The following TMEM74 variants were observed in gnomAD, a reference collection of about 807,000 sequenced individuals.
TMEM74 encodes transmembrane protein 74.
Under a neutral mutation model 18.1 loss-of-function variants are expected in TMEM74, and 13 were observed. The observed-to-expected ratio is 0.72, with a 90% CI of 0.47 to 1.14. TMEM74 has a LOEUF of 1.14. Ranked by LOEUF, TMEM74 falls within the 50% of genes most tolerant of loss-of-function variation. TMEM74 has a pLI of 0.00. For synonymous variants in TMEM74, 159 were observed against 146.6 expected, an observed-to-expected ratio of 1.08 and a Z score of -0.61; for missense variants, 372 against 375.9, an observed-to-expected ratio of 0.99 and a Z score of 0.09.
At chr8:108,640,599 T>C (rs564237092) in intron 2 of TMEM74, among the ~76,000 whole-genome samples, 1 of 152,284 alleles carries the variant, frequency 6.6e-6, no homozygotes, top group South Asian at 2.1e-4. Flanking sequence ...GATATTTACT[T>C]ATTTCAGGCT....
intron 1 of TMEM74, among the ~76,000 whole-genome samples, chr8:108,760,272 T>C (rs1814029385): frequency 6.6e-6 from 1 of 151,898 alleles, no homozygotes; most frequent in Admixed American, 6.6e-5. Flanking sequence ...GCCTTTTTGC[T>C]TGATTGCAAG....
intron 2 of TMEM74, among the ~76,000 whole-genome samples, chr8:108,651,839 C>T (rs1279546716): frequency 6.6e-6 from 1 of 151,694 alleles, no homozygotes; most frequent in Non-Finnish European, 1.5e-5. Context: ...CACCCATTTC[C>T]TCTCCCCATT....
intron 2 of TMEM74, among the ~76,000 whole-genome samples, chr8:108,619,018 T>C (rs1022921527): frequency 6.6e-6 from 1 of 151,922 alleles, no homozygotes; most frequent in Non-Finnish European, 1.5e-5. Flanking sequence ...TATTATTCTA[T>C]ATTTGTATGA....
intron 1 of TMEM74, among the ~76,000 whole-genome samples, chr8:108,716,494 A>T (rs1329241937): frequency 6.6e-6 from 1 of 152,106 alleles, no homozygotes; most frequent in African/African-American, 2.4e-5. Flanking sequence ...TTAAAATTAT[A>T]GATTAGAAAT....
chr8:108,764,938 A>G (rs1814086089), intron 1 of TMEM74, among the ~76,000 whole-genome samples: 1 of 152,160 alleles, frequency 6.6e-6, no homozygotes, highest in Non-Finnish European at 1.5e-5. Context: ...AACTCAATGA[A>G]GCTGAGTTTA....
chr8:108,615,782 C>G (rs1197101197), intron 2 of TMEM74, among the ~76,000 whole-genome samples: 2 of 125,756 alleles, frequency 1.6e-5, no homozygotes, highest in African/African-American at 6.1e-5. Context: ...GGTTTCTGGG[C>G]TTTTATATAC....
chr8:108,653,864 A>T (rs1356563577), intron 2 of TMEM74, among the ~76,000 whole-genome samples: 2 of 152,102 alleles, frequency 1.3e-5, no homozygotes, highest in Non-Finnish European at 2.9e-5. Flanking sequence ...GGTGGGAAGC[A>T]TGGAGGCTTT....
In TMEM74 at chr8:108,785,107, G is replaced by T. The variant is rs778486260; in HGVS notation, c.-9C>A. On this transcript the variant is annotated 5_prime_UTR_variant, in exon 2 of 2. Transcript: ENST00000297459. ...AGGTAGTGGAGCTCCATGAGAGCTAGTCAGACATCCCCCAGCAGCTTCCGG... is the reference window on the plus strand; with the variant it reads ...AGGTAGTGGAGCTCCATGAGAGCTATTCAGACATCCCCCAGCAGCTTCCGG... 7.6e-6 allele frequency: 12 copies of T among 1,573,994 alleles called. No homozygotes were observed. In the East Asian group the frequency reaches 2.7e-4, roughly 35 times the overall value.
intron 1 of TMEM74, among the ~76,000 whole-genome samples, chr8:108,695,756 AG>A (rs1813275731): frequency 1.3e-5 from 2 of 152,190 alleles, no homozygotes; most frequent in Admixed American, 1.3e-4. Context: ...AACTAAAAAA[AG>A]GGGGAAGGGG....
intron 1 of TMEM74, among the ~76,000 whole-genome samples, chr8:108,674,740 G>C (rs1427860471): frequency 6.6e-6 from 1 of 152,194 alleles, no homozygotes; most frequent in African/African-American, 2.4e-5. Context: ...GCAAGGTCAA[G>C]CTGTACAACT....
chr8:108,704,409 G>A (rs1175077160), intron 1 of TMEM74, among the ~76,000 whole-genome samples: 2 of 152,200 alleles, frequency 1.3e-5, no homozygotes, highest in Non-Finnish European at 2.9e-5. Flanking sequence ...GTTAAGAGCG[G>A]TCTCAAGCAG....
intron 1 of TMEM74, among the ~76,000 whole-genome samples, chr8:108,676,165 A>T (rs1383603986): frequency 1.3e-5 from 2 of 152,150 alleles, no homozygotes; most frequent in Admixed American, 1.3e-4. Context: ...GGAATGTGGC[A>T]AGTCAGTAAA....
chr8:108,686,273 A>G (rs1207895399), intron 1 of TMEM74, among the ~76,000 whole-genome samples: 8 of 152,088 alleles, frequency 5.3e-5, no homozygotes, highest in Non-Finnish European at 1.2e-4. Context: ...ATCTTGGCTC[A>G]CTGCAAGCTC....
intron 2 of TMEM74, chr8:108,652,917 A>G (rs545353285): frequency 5.5e-4 from 215 of 388,336 alleles, no homozygotes; most frequent in African/African-American, 4.4e-3. Flanking sequence ...CCCTGTGTGA[A>G]GAGCGAAGAT....
intron 2 of TMEM74, among the ~76,000 whole-genome samples, chr8:108,640,424 A>G (rs1812652555): frequency 6.6e-6 from 1 of 151,922 alleles, no homozygotes; most frequent in Non-Finnish European, 1.5e-5. Flanking sequence ...TATAGTAATC[A>G]CTTCTTAAAT....
In TMEM74 at chr8:108,643,625, C is replaced by T. The variant is rs141159364; in HGVS notation, n.264+11668G>A. On this transcript the variant is annotated intron_variant and non_coding_transcript_variant, in intron 2 of 3. Coordinates refer to the TMEM74 transcript ENST00000518838. The stretch of plus-strand genomic sequence containing the variant: ...GTGCAGTGACTCATGCCTGTAATTC[C>T]AGCACTTTGGGAGGCTCAGGTGGGA... Among the ~76,000 whole-genome samples, 1,141 of 151,946 alleles carry T rather than the reference C, an allele frequency of 7.5e-3. 11 individuals carry two copies. Among genetic ancestry groups the T allele is most frequent in the Non-Finnish European group, 0.012 (833 of 67,960 alleles).
chr8:108,699,175 TCCTTCCTTCCTC>T (rs1482245390), intron 1 of TMEM74, among the ~76,000 whole-genome samples: 2,991 of 75,532 alleles, frequency 0.04, 155 homozygotes, highest in African/African-American at 0.14. Flanking sequence ...CTTCCTTCCT[TCCTTCCTTCCTC>T]CCTCCCTCCC....
rs1179160631 is a variant in TMEM74, at chr8:108,729,803, G to C, written n.119+57673C>G. Among the ~76,000 whole-genome samples the C allele has an allele frequency of 2.6e-5, 4 of 152,250 alleles. No homozygotes were observed. The South Asian group carries it at 8.3e-4, about 32-fold the overall frequency. On this transcript the variant is annotated intron_variant and non_coding_transcript_variant, in intron 1 of 3. Transcript: ENST00000518838. ...GCCAGACACCATGCTACATGCAATG[G>C]ATATAAAAATGGAAGTCATTTTCTT...
intron 2 of TMEM74, among the ~76,000 whole-genome samples, chr8:108,623,587 T>C (rs1812465365): frequency 6.6e-6 from 1 of 152,120 alleles, no homozygotes; most frequent in African/African-American, 2.4e-5. Flanking sequence ...AGGCCAACAC[T>C]AGCCTTAATA....
Sources: gnomAD v4.1 joint callset for allele counts (sites outside exome capture counted in the v4.1 genomes callset) on GRCh38, gnomAD v4.1.1 for gene constraint, MANE v1.5 for transcripts, NCBI Gene and HGNC (gene_info 2026-07-23, HGNC 2026-07-21) for gene names.